The following PECAM1 variants were observed in gnomAD, a reference collection of about 807,000 sequenced individuals.
PECAM1 encodes the protein platelet and endothelial cell adhesion molecule 1, also known as platelet endothelial cell adhesion molecule.
A neutral mutation model predicts 13.8 loss-of-function variants in PECAM1; 8 were observed. The observed-to-expected ratio is 0.58, with a 90% CI of 0.34 to 1.05. The LOEUF (loss-of-function observed/expected upper bound fraction) is 1.05. Among genes scored for constraint, PECAM1 ranks in the 50% least tolerant of loss-of-function variants. PECAM1 has a pLI of 0.03. For synonymous variants in PECAM1, 136 were observed against 52.6 expected (o/e 2.58, Z -6.86); for missense variants, 304 against 141.2 (o/e 2.15, Z -5.84).
At chr17:64,341,257 C>G (rs2035422201) in intron 14 of PECAM1, among the ~76,000 whole-genome samples, 1 of 150,218 alleles carries the variant, frequency 6.7e-6, no homozygotes, top group African/African-American at 2.5e-5. Context: ...GAGCGAGACT[C>G]CATATCCAAA....
rs1555644610 is a variant in PECAM1, at chr17:64,322,455, A to G, written c.*1361T>C. ...GACTTCAGAGGCCCAAGGAGTCCTC[A>G]GCACTATAGATGCATGTGGCCCCTC... On this transcript the variant is annotated 3_prime_UTR_variant, in exon 16 of 16. Coordinates refer to ENST00000563924, the MANE Select transcript of PECAM1 (RefSeq NM_000442.5). 10 of 985,640 alleles carry G rather than the reference A, an allele frequency of 1.0e-5. No homozygotes were observed. Among genetic ancestry groups the G allele is most frequent in the African/African-American group, 1.7e-5 (1 of 57,232 alleles). The allele number at this position is 985,640 out of a possible 1,614,324, so 61.1% of individuals were successfully genotyped here.
chr17:64,353,994 C>G (rs2035793324), intron 9 of PECAM1, among the ~76,000 whole-genome samples: 1 of 148,464 alleles, frequency 6.7e-6, no homozygotes, highest in Non-Finnish European at 1.5e-5. Context: ...GGCTGGAGTG[C>G]AGTGATGTGA....
At chr17:64,338,681 C>A (rs942077159) in intron 14 of PECAM1, among the ~76,000 whole-genome samples, 5 of 152,096 alleles carry the variant, frequency 3.3e-5, no homozygotes, top group Non-Finnish European at 5.9e-5. Context: ...CCTCAACCTC[C>A]CGAGGAGCTG....
chr17:64,350,842 C>T (rs932307462), intron 11 of PECAM1, among the ~76,000 whole-genome samples: 1 of 151,914 alleles, frequency 6.6e-6, no homozygotes, highest in Non-Finnish European at 1.5e-5. Context: ...GGATTATAGG[C>T]ATGAACTACC....
At chr17:64,328,696 A>T (rs1334659363) in intron 15 of PECAM1, among the ~76,000 whole-genome samples, 1 of 152,230 alleles carries the variant, frequency 6.6e-6, no homozygotes, top group East Asian at 1.9e-4. Flanking sequence ...GGCAAAACAA[A>T]GGAAGCCAGG....
chr17:64,335,309 G>T (rs1372157826), intron 14 of PECAM1, among the ~76,000 whole-genome samples: 1 of 152,002 alleles, frequency 6.6e-6, no homozygotes, highest in African/African-American at 2.4e-5. Flanking sequence ...GAGGCTGAGA[G>T]GGGAGGATGC....
At chr17:64,365,259 T>C (rs2036077081) in intron 5 of PECAM1, among the ~76,000 whole-genome samples, 1 of 152,050 alleles carries the variant, frequency 6.6e-6, no homozygotes, top group South Asian at 2.1e-4. Flanking sequence ...GGAATCCAAC[T>C]TACAAGGGAC....
chr17:64,366,652 C>T (rs1173602719), intron 5 of PECAM1, among the ~76,000 whole-genome samples: 3 of 151,698 alleles, frequency 2.0e-5, no homozygotes, highest in African/African-American at 4.8e-5. Flanking sequence ...CCATAAAAAA[C>T]GATGAGTTCA....
At chr17:64,326,307 C>CCA (rs2034958058) in intron 15 of PECAM1, among the ~76,000 whole-genome samples, 1 of 152,222 alleles carries the variant, frequency 6.6e-6, no homozygotes. Flanking sequence ...CTTGGGACCT[C>CCA]CACAGCCAGC....
Position 64,356,303 on chromosome 17 carries a change from C to A in PECAM1, c.1588G>T (p.Gly530Cys), listed in dbSNP as rs1167405861. The A allele has an allele frequency of 9.3e-5, 44 of 474,458 alleles. 1 individual carries two copies. In the South Asian group the frequency reaches 3.0e-3, roughly 32 times the overall value. The allele number at this position is 474,458 out of a possible 1,614,324, so 29.4% of individuals were successfully genotyped here. A position where few individuals can be genotyped will look rare whatever the true frequency, so the allele number is the denominator to read the frequency against. The part of the protein sequence containing the change: ...VLQCAVNEGS[G>C]PITYKFYREK... The stretch of plus-strand genomic sequence containing the variant: ...CTGTAAAACTTATAGGTGATGGGAC[C>A]AGATCCTTCATTCACAGCACATTGC... Residue 530 changes from glycine to cysteine, a missense_variant, in exon 8 of 16, where the codon GGT becomes TGT. Transcript: ENST00000563924.
At chr17:64,366,658 G>A (rs1157806992) in intron 5 of PECAM1, among the ~76,000 whole-genome samples, 3 of 151,928 alleles carry the variant, frequency 2.0e-5, no homozygotes, top group Non-Finnish European at 4.4e-5. Context: ...AAAACGATGA[G>A]TTCATGTCCT....
intron 14 of PECAM1, among the ~76,000 whole-genome samples, chr17:64,336,786 A>G (rs929730240): frequency 6.6e-6 from 1 of 151,898 alleles, no homozygotes. Context: ...TGAGCCCAGG[A>G]GGTGGAGGCT....
chr17:64,375,723 G>A, intron 3 of PECAM1, among the ~76,000 whole-genome samples: 1 of 152,182 alleles, frequency 6.6e-6, no homozygotes, highest in Non-Finnish European at 1.5e-5. Flanking sequence ...AGCTACTTGG[G>A]AGGCCGAGGT....
At position 64,331,248 on chromosome 17, in the gene PECAM1, G is replaced by A. The variant is rs559732334; in HGVS notation, c.2165-1526C>T. Among the ~76,000 whole-genome samples, 17 of 151,184 alleles carry A rather than the reference G, an allele frequency of 1.1e-4. No individual in the cohort carries two copies. The East Asian group carries it at 3.1e-3, about 28-fold the overall frequency. On this transcript the variant is annotated intron_variant, in intron 14 of 15. Transcript: ENST00000563924. ...GTCTAGCTCTGTCACCCAGGCTGGA[G>A]TGCAGTGGCTCACTGCAACCTCCAT...
intron 8 of PECAM1, among the ~76,000 whole-genome samples, chr17:64,355,295 CTT>C (rs1199839723): frequency 6.6e-6 from 1 of 152,118 alleles, no homozygotes; most frequent in Admixed American, 6.5e-5. Context: ...GGGGTAGACT[CTT>C]TTCTTTTTCT....
At chr17:64,330,812 T>C (rs539051833) in intron 14 of PECAM1, among the ~76,000 whole-genome samples, 56 of 152,182 alleles carry the variant, frequency 3.7e-4, no homozygotes, top group Non-Finnish European at 5.7e-4. Context: ...GGGGAGCAGT[T>C]ATAATTATAC....
At chr17:64,379,369 G>A (rs2036432429) in intron 2 of PECAM1, among the ~76,000 whole-genome samples, 1 of 152,192 alleles carries the variant, frequency 6.6e-6, no homozygotes, top group African/African-American at 2.4e-5. Flanking sequence ...AAAATTGGGT[G>A]CTCTCTAGCT....
intron 7 of PECAM1, among the ~76,000 whole-genome samples, chr17:64,357,913 T>A (rs2035881630): frequency 6.6e-6 from 1 of 152,072 alleles, no homozygotes; most frequent in African/African-American, 2.4e-5. Context: ...ACCAGGTGGA[T>A]CGTTCCGAGA....
intron 13 of PECAM1, among the ~76,000 whole-genome samples, chr17:64,343,274 A>C (rs942943861): frequency 0.013 from 1,965 of 151,810 alleles, 62 homozygotes; most frequent in African/African-American, 0.045. Flanking sequence ...TCCTGGCCCC[A>C]CACACACTCC....
Sources: gnomAD v4.1 joint callset for allele counts (sites outside exome capture counted in the v4.1 genomes callset) on GRCh38, gnomAD v4.1.1 for gene constraint, MANE v1.5 for transcripts, NCBI Gene and HGNC (gene_info 2026-07-23, HGNC 2026-07-21) for gene names.